Variants in ZNF775 observed in about 807,000 individuals in gnomAD.
The protein encoded by ZNF775 is zinc finger protein 775.
In ZNF775, 1 loss-of-function variant was observed where a neutral mutation model predicts 2.4. That is an observed-to-expected ratio of 0.41 (90% CI 0.15 to 1.94). ZNF775 has a LOEUF of 1.94. ZNF775 is among the 30% of genes most tolerant of loss of function. ZNF775 has a pLI of 0.30. For synonymous variants in ZNF775, 381 were observed against 373.3 expected, an observed-to-expected ratio of 1.02 and a Z score of -0.24; for missense variants, 823 against 826.6, an observed-to-expected ratio of 1.00 and a Z score of 0.05.
In ZNF775 at chr7:150,396,871, C is replaced by T. The variant is rs749321452; in HGVS notation, c.390C>T (p.Thr130=). 25 of 1,602,024 alleles carry T rather than the reference C, an allele frequency of 1.6e-5. No individual in the cohort carries two copies. In the Middle Eastern group the frequency reaches 8.2e-4, roughly 53 times the overall value. The stretch of plus-strand genomic sequence containing the variant: ...TGAAGATCCACCAGCGCACCCACAC[C>T]GGGGAGAAGCCGTACCTCTGCGGCA... ...SSLKIHQRTH[T]GEKPYLCGKC... is the part of the protein sequence containing the mutation. Residue 130 remains threonine (T), a synonymous_variant, in exon 3 of 3, where the codon ACC becomes ACT. Transcript: ENST00000329630.
intron 2 of ZNF775, among the ~76,000 whole-genome samples, chr7:150,389,902 TGTGTGTGTGTGTG>T (rs771201191): frequency 0.56 from 53,054 of 95,144 alleles, 11,446 homozygotes; most frequent in Non-Finnish European, 0.59. Flanking sequence ...TGTGTGTGTG[TGTGTGTGTGTGTG>T]TGTGTTATGG....
chr7:150,388,770 G>T (rs1377216877), intron 2 of ZNF775, among the ~76,000 whole-genome samples: 1 of 152,240 alleles, frequency 6.6e-6, no homozygotes, highest in African/African-American at 2.4e-5. Context: ...ATGCCTTGTA[G>T]AAATTGAGGT....
rs57149756 is a variant in ZNF775 at position 150,382,134 on chromosome 7, G to C, written c.-50+2742G>C. On this transcript the variant is annotated intron_variant, in intron 1 of 2. Coordinates refer to ENST00000329630, the MANE Select transcript of ZNF775 (RefSeq NM_173680.4). This position sits in a 1 kb window ranked among gnomAD's most constrained non-coding sequence, Gnocchi z 4.6. ...TGCAGACAGTGCCACAACCAGAGCCGTGGCAAACCCTCTTCCTCCTGCATG... is the reference window on the plus strand; with the variant it reads ...TGCAGACAGTGCCACAACCAGAGCCCTGGCAAACCCTCTTCCTCCTGCATG... 1.3e-5 allele frequency among the ~76,000 whole-genome samples: 2 copies of C among 152,074 alleles called. No individual in the cohort carries two copies. Among genetic ancestry groups the C allele is most frequent in the Admixed American group, 6.5e-5 (1 of 15,282 alleles).
intron 1 of ZNF775, among the ~76,000 whole-genome samples, chr7:150,386,366 T>C (rs1800451804): frequency 6.6e-6 from 1 of 152,190 alleles, no homozygotes; most frequent in Non-Finnish European, 1.5e-5. Flanking sequence ...AACAAAATGC[T>C]CTTGAAAAAA....
rs770774418 is a variant in ZNF775, at chr7:150,397,484, C to T, written c.1003C>T (p.Arg335Cys). 30 of 1,587,492 alleles carry T rather than the reference C, an allele frequency of 1.9e-5. No homozygotes were observed. Among genetic ancestry groups the T allele is most frequent in the Non-Finnish European group, 2.4e-5 (28 of 1,173,270 alleles). ...TRHLRNHTGE[R>C]PHPCPHCGRG... is the part of the protein sequence containing the mutation. ...GCACCTGCGCAACCACACAGGCGAG[C>T]GCCCGCACCCCTGCCCGCACTGTGG... The change falls in exon 3 of 3, where the codon CGC (arginine) becomes TGC (cysteine). Residue 335 changes from arginine (R) to cysteine (C), a missense_variant. By Grantham distance (180) the Arg-to-Cys change is radical (BLOSUM62 -3). Coordinates refer to ENST00000329630, the MANE Select transcript of ZNF775 (RefSeq NM_173680.4).
chr7:150,381,955 TG>T (rs139359485), intron 1 of ZNF775, among the ~76,000 whole-genome samples: 8,342 of 99,732 alleles, frequency 0.084, 248 homozygotes, highest in South Asian at 0.12. Flanking sequence ...GGGTGGGTCA[TG>T]GGGGGTGGGA....
At position 150,384,068 on chromosome 7, in the gene ZNF775, C is replaced by T. The variant is rs1337647061; in HGVS notation, c.-49-4354C>T. ...CTTTGTGTGGTTGGTCTTCAGTTGT[C>T]ATGGCAGCTGGGCCCAGGCTGAGGC... On this transcript the variant is annotated intron_variant, in intron 1 of 2. Coordinates refer to ENST00000329630, the MANE Select transcript of ZNF775 (RefSeq NM_173680.4). The surrounding 1 kb of genome is among the most constrained non-coding windows in gnomAD (Gnocchi z 4.1). Among the ~76,000 whole-genome samples, 1 of 152,234 alleles carries T rather than the reference C, an allele frequency of 6.6e-6. No individual in the cohort carries two copies. The highest frequency in any genetic ancestry group is 1.5e-5 in the Non-Finnish European group (1 of 68,038).
At chr7:150,386,458 C>G (rs1800455511) in intron 1 of ZNF775, among the ~76,000 whole-genome samples, 2 of 152,184 alleles carry the variant, frequency 1.3e-5, no homozygotes, top group African/African-American at 2.4e-5. Context: ...CCCCCGACGT[C>G]TCTTGTCAGG....
At chr7:150,379,579 T>G (rs1800325281) in intron 1 of ZNF775, among the ~76,000 whole-genome samples, 187 bp downstream of exon 1, 2 of 147,644 alleles carry the variant, frequency 1.4e-5, no homozygotes, top group Admixed American at 6.7e-5. Context: ...GAGCCCCGGG[T>G]CTCAAGCGTT....
In ZNF775 at chr7:150,397,511, C is replaced by T. The variant is rs1381641680; in HGVS notation, c.1030C>T (p.Arg344Cys). 2 of 1,567,888 alleles carry T rather than the reference C, an allele frequency of 1.3e-6. No individual in the cohort carries two copies. The highest frequency in any genetic ancestry group is 2.3e-5 in the South Asian group (2 of 88,048). Residue 344 changes from arginine (R) to cysteine (C), a missense_variant, in exon 3 of 3, where the codon CGC becomes TGC. Arg to Cys is a radical substitution (Grantham distance 180). Coordinates refer to ENST00000329630, the MANE Select transcript of ZNF775 (RefSeq NM_173680.4). ...CCCGCACCCCTGCCCGCACTGTGGC[C>T]GCGGCTTCCGCCAGAAGCAGCACCT... ...ERPHPCPHCG[R>C]GFRQKQHLLK...
intron 1 of ZNF775, among the ~76,000 whole-genome samples, chr7:150,383,184 T>C (rs1395941822): frequency 6.6e-6 from 1 of 152,236 alleles, no homozygotes; most frequent in African/African-American, 2.4e-5. Context: ...CATCAGTTTC[T>C]TATGTCCCTA....
chr7:150,381,760 A>T (rs1280509015), intron 1 of ZNF775, among the ~76,000 whole-genome samples: 1 of 151,944 alleles, frequency 6.6e-6, no homozygotes, highest in Non-Finnish European at 1.5e-5. Context: ...TTTGGGTTGG[A>T]CAGTGGCCCG....
At chr7:150,380,498 G>T (rs1184054328) in intron 1 of ZNF775, among the ~76,000 whole-genome samples, 1 of 152,178 alleles carries the variant, frequency 6.6e-6, no homozygotes, top group Non-Finnish European at 1.5e-5. Context: ...GTCCAAAAAG[G>T]CTTCCTGGTC....
At chr7:150,380,632 A>G (rs993639110) in intron 1 of ZNF775, among the ~76,000 whole-genome samples, 5 of 152,180 alleles carry the variant, frequency 3.3e-5, no homozygotes, top group Non-Finnish European at 5.9e-5. Context: ...TCGGGGTGCA[A>G]TGGGGAAAGA....
intron 2 of ZNF775, among the ~76,000 whole-genome samples, chr7:150,389,914 TG>T (rs58292022): frequency 0.031 from 81 of 2,586 alleles, 5 homozygotes; most frequent in African/African-American, 0.1. Flanking sequence ...TGTGTGTGTG[TG>T]TGTGTTATGG....
chr7:150,389,021 T>C (rs1478006883), intron 2 of ZNF775, among the ~76,000 whole-genome samples: 1 of 152,206 alleles, frequency 6.6e-6, no homozygotes, highest in Non-Finnish European at 1.5e-5. Flanking sequence ...CGCACAGTCA[T>C]GTGCTTTTGG....
At chr7:150,386,948 G>T (rs1186807889) in intron 1 of ZNF775, among the ~76,000 whole-genome samples, 2 of 152,158 alleles carry the variant, frequency 1.3e-5, no homozygotes. Flanking sequence ...ATCATGTCAG[G>T]TGGCAAAAAT....
At chr7:150,391,476 C>G (rs1393988531) in intron 2 of ZNF775, among the ~76,000 whole-genome samples, 3 of 151,862 alleles carry the variant, frequency 2.0e-5, no homozygotes, top group Non-Finnish European at 4.4e-5. Context: ...CCATTGCATT[C>G]CAGCCTGGGT....
Position 150,382,417 on chromosome 7 carries a change from C to T in ZNF775, c.-50+3025C>T, listed in dbSNP as rs562973289. Among the ~76,000 whole-genome samples the T allele has an allele frequency of 6.0e-4, 91 of 151,888 alleles. No homozygotes were observed. Among genetic ancestry groups the T allele is most frequent in the African/African-American group, 2.2e-3 (90 of 41,482 alleles). On this transcript the variant is annotated intron_variant, in intron 1 of 2. Transcript: ENST00000329630. This position sits in a 1 kb window ranked among gnomAD's most constrained non-coding sequence, Gnocchi z 4.6. Reference sequence around the variant, plus strand: ...GCAATGACTGGCCAGGGACTAGCAGCGGCTCAGTGGTGGGTGGGCTGGGAC... The same window carrying T: ...GCAATGACTGGCCAGGGACTAGCAGTGGCTCAGTGGTGGGTGGGCTGGGAC...
Sources: gnomAD v4.1 joint callset for allele counts (sites outside exome capture counted in the v4.1 genomes callset) on GRCh38, gnomAD v4.1.1 for gene constraint, Gnocchi (gnomAD v3.1) non-coding constraint, MANE v1.5 for transcripts, NCBI Gene and HGNC (gene_info 2026-07-23, HGNC 2026-07-21) for gene names.